EYS: variants seen among roughly 807,000 people sequenced by gnomAD.
EYS encodes the protein protein eyes shut homolog.
A neutral mutation model predicts 282.1 loss-of-function variants in EYS; 250 were observed. The ratio of observed to expected loss-of-function variants is 0.89; its 90% CI spans 0.80 to 0.98. The LOEUF (loss-of-function observed/expected upper bound fraction) is 0.98. EYS is among the 50% of genes least tolerant of loss of function. EYS has a pLI of 0.00. For synonymous variants in EYS, 1,355 were observed against 1,282.9 expected (o/e 1.06, Z -1.20); for missense variants, 4,016 against 3,709.0 (o/e 1.08, Z -2.15).
chr6:65,154,809 T>C (rs1764694703), intron 12 of EYS, among the ~76,000 whole-genome samples: 1 of 151,592 alleles, frequency 6.6e-6, no homozygotes, highest in African/African-American at 2.4e-5. Flanking sequence ...GTAATTATAC[T>C]GATAGGAAGG....
chr6:64,831,054 A>G (rs901701513), intron 19 of EYS, among the ~76,000 whole-genome samples: 2 of 151,870 alleles, frequency 1.3e-5, no homozygotes, highest in African/African-American at 4.8e-5. Flanking sequence ...TGTTATAACT[A>G]CATCTTAGCT....
At chr6:64,288,460 C>A (rs1768578240) in intron 30 of EYS, among the ~76,000 whole-genome samples, 2 of 152,112 alleles carry the variant, frequency 1.3e-5, no homozygotes, top group Non-Finnish European at 2.9e-5. Flanking sequence ...TCCTTCCAGT[C>A]TTCGCTGCTG....
chr6:64,198,511 G>A (rs1262815593), intron 31 of EYS, among the ~76,000 whole-genome samples: 1 of 151,464 alleles, frequency 6.6e-6, no homozygotes, highest in African/African-American at 2.4e-5. Context: ...TGGGTTTGAT[G>A]TTCCCCTCCC....
intron 35 of EYS, among the ~76,000 whole-genome samples, chr6:63,888,765 G>A (rs148088663): frequency 2.0e-5 from 3 of 152,322 alleles, no homozygotes; most frequent in Non-Finnish European, 2.9e-5. Flanking sequence ...GTAAGCAAGG[G>A]CACAAAACTG....
At chr6:65,008,420 A>G (rs954318058) in intron 13 of EYS, among the ~76,000 whole-genome samples, 2 of 151,954 alleles carry the variant, frequency 1.3e-5, no homozygotes, top group African/African-American at 4.8e-5. Flanking sequence ...TTGGTTTTTT[A>G]TAAAAGAGAT....
At chr6:65,144,914 C>A (rs1051077148) in intron 12 of EYS, among the ~76,000 whole-genome samples, 1 of 151,720 alleles carries the variant, frequency 6.6e-6, no homozygotes, top group South Asian at 2.1e-4. Context: ...GGATTATAGG[C>A]ATGCCCCATC....
chr6:64,654,982 A>G (rs1764738493), intron 22 of EYS, among the ~76,000 whole-genome samples: 2 of 152,176 alleles, frequency 1.3e-5, no homozygotes, highest in South Asian at 2.1e-4. Flanking sequence ...TTGCACTGGA[A>G]TCAGACCTCT....
intron 1 of EYS, among the ~76,000 whole-genome samples, chr6:65,666,223 C>T (rs1351221800): frequency 6.6e-6 from 1 of 151,770 alleles, no homozygotes; most frequent in African/African-American, 2.4e-5. Flanking sequence ...AATCAGTACT[C>T]CAAGCTATAT....
At chr6:64,704,290 T>C (rs1310189694) in intron 22 of EYS, among the ~76,000 whole-genome samples, 2 of 148,216 alleles carry the variant, frequency 1.3e-5, no homozygotes, top group African/African-American at 4.9e-5. Context: ...AATATAAATG[T>C]AATACTATAT....
intron 36 of EYS, among the ~76,000 whole-genome samples, chr6:63,846,864 T>C (rs959433022): frequency 6.6e-6 from 1 of 152,304 alleles, no homozygotes; most frequent in African/African-American, 2.4e-5. Context: ...TTAAAATATA[T>C]TAATACATGA....
chr6:65,182,581 A>G (rs1479877648), intron 12 of EYS, among the ~76,000 whole-genome samples: 1 of 151,768 alleles, frequency 6.6e-6, no homozygotes. Flanking sequence ...TGACATATAT[A>G]ATATTATTAA....
At chr6:64,057,141 A>G (rs574745007) in intron 33 of EYS, among the ~76,000 whole-genome samples, 21 of 152,356 alleles carry the variant, frequency 1.4e-4, no homozygotes, top group African/African-American at 5.1e-4. Context: ...CTTTGGCTCA[A>G]TACCAGTACC....
intron 19 of EYS, among the ~76,000 whole-genome samples, chr6:64,851,654 G>C (rs539104850): frequency 6.6e-6 from 1 of 152,196 alleles, no homozygotes; most frequent in East Asian, 1.9e-4. Flanking sequence ...TCTGGGACAT[G>C]GATAGAAGTG....
chr6:64,243,141 A>G (rs1766891159), intron 30 of EYS, among the ~76,000 whole-genome samples: 1 of 151,332 alleles, frequency 6.6e-6, no homozygotes, highest in Admixed American at 6.6e-5. Flanking sequence ...AAAAGCACAT[A>G]AAGTGAGTAT....
At chr6:65,509,409 C>CT (rs1766782331) in intron 2 of EYS, among the ~76,000 whole-genome samples, 1 of 152,074 alleles carries the variant, frequency 6.6e-6, no homozygotes, top group African/African-American at 2.4e-5. Context: ...TATGGGTGGT[C>CT]TTTTTAACTT....
intron 22 of EYS, among the ~76,000 whole-genome samples, chr6:64,795,000 C>T (rs1229911126): frequency 2.6e-5 from 4 of 152,086 alleles, no homozygotes; most frequent in East Asian, 3.9e-4. Flanking sequence ...TTTGGCAGGC[C>T]GAGGCAGGTG....
In EYS at chr6:64,023,395, G is replaced by A. The variant is rs147672737; in HGVS notation, c.6726-24212C>T. Among the ~76,000 whole-genome samples, 1,097 of 152,252 alleles carry A rather than the reference G, an allele frequency of 7.2e-3. 17 individuals carry two copies. Among genetic ancestry groups the A allele is most frequent in the African/African-American group, 0.024 (997 of 41,538 alleles). On this transcript the variant is annotated intron_variant, in intron 33 of 42. Coordinates refer to ENST00000503581, the MANE Select transcript of EYS (RefSeq NM_001142800.2). ...ATTGTGGGGGTCATATAGTAAATAC[G>A]TGTTTAACTTTTAGAGCAACCATTA...
At chr6:65,251,955 G>A (rs780713108) in intron 12 of EYS, among the ~76,000 whole-genome samples, 18 of 152,032 alleles carry the variant, frequency 1.2e-4, no homozygotes, top group Middle Eastern at 3.4e-3. Context: ...GGTGATAGCC[G>A]ATGGTGACAA....
chr6:65,002,773 A>G (rs935542729), intron 13 of EYS, among the ~76,000 whole-genome samples: 2 of 147,790 alleles, frequency 1.4e-5, no homozygotes, highest in African/African-American at 4.9e-5. Flanking sequence ...TAGATTGTGA[A>G]GATTTCATGG....
Sources: allele counts gnomAD v4.1 joint callset (sites outside exome capture counted in the v4.1 genomes callset), GRCh38; gene constraint gnomAD v4.1.1; transcripts MANE v1.5; gene names NCBI Gene and HGNC (gene_info 2026-07-23, HGNC 2026-07-21).